LRRC40: variants seen among roughly 807,000 people sequenced by gnomAD.
LRRC40 encodes leucine rich repeat containing 40.
A neutral mutation model predicts 72.8 loss-of-function variants in LRRC40; 76 were observed. The ratio of observed to expected loss-of-function variants is 1.04; its 90% CI spans 0.87 to 1.26. The LOEUF is 1.26. Ranked by LOEUF, LRRC40 falls within the 50% of genes most tolerant of loss-of-function variation. The pLI, the probability that LRRC40 is intolerant of heterozygous loss-of-function variation, is 0.00. For missense variants in LRRC40, 684 were observed against 698.9 expected (o/e 0.98, Z 0.24); for synonymous variants, 243 against 254.2 (o/e 0.96, Z 0.42).
At chr1:70,182,730 G>A (rs1372298193) in intron 4 of LRRC40, among the ~76,000 whole-genome samples, 2 of 151,862 alleles carry the variant, frequency 1.3e-5, no homozygotes, top group African/African-American at 4.8e-5. Flanking sequence ...CAAATAATTA[G>A]TTGCATTGTG....
At chr1:70,149,566 C>G (rs1478788064) in intron 13 of LRRC40, among the ~76,000 whole-genome samples, 1 of 152,076 alleles carries the variant, frequency 6.6e-6, no homozygotes, top group Admixed American at 6.6e-5. Flanking sequence ...TTGGCACTTC[C>G]CCAAAGACAT....
At chr1:70,155,601 A>C in intron 11 of LRRC40, 88 bp downstream of exon 11, 1 of 518,538 alleles carries the variant, frequency 1.9e-6, no homozygotes, top group Non-Finnish European at 3.2e-6. Flanking sequence ...TAAATTTAAA[A>C]ACCAATATGG....
chr1:70,161,423 A>G (rs1667759566), intron 9 of LRRC40, among the ~76,000 whole-genome samples: 1 of 150,852 alleles, frequency 6.6e-6, no homozygotes, highest in East Asian at 2.0e-4. Context: ...CCGGTGGCGG[A>G]CGCCTGTAGT....
intron 9 of LRRC40, among the ~76,000 whole-genome samples, chr1:70,159,840 T>C (rs1571445796): frequency 6.6e-6 from 1 of 152,230 alleles, no homozygotes; most frequent in Non-Finnish European, 1.5e-5. Context: ...AATAAGCATA[T>C]GCTTTTTAAT....
chr1:70,160,886 CCATGTAAGTGCCAAACA>C (rs1264499338), intron 9 of LRRC40, among the ~76,000 whole-genome samples: 2 of 151,110 alleles, frequency 1.3e-5, no homozygotes, highest in Admixed American at 1.3e-4. Context: ...ATTGAAAGGG[CCATGTAAGTGCCAAACA>C]CAATAAATAA....
chr1:70,178,878 T>G lies in LRRC40; in HGVS notation c.777A>C (p.Pro259=), dbSNP rs761499231. The change falls in exon 6 of 15, where the codon CCA becomes CCC. Residue 259 remains proline (P), a synonymous_variant. Coordinates refer to ENST00000370952, the MANE Select transcript of LRRC40 (RefSeq NM_017768.5). The part of the protein sequence containing the change: ...YLRRNKLRFL[P]EFPSCSLLKE... Reference sequence around the variant, plus strand: ...TCAATAGACTACAAGAAGGAAATTCTGGTAGAAAACGTAATTTATTCCTCC... The same window carrying G: ...TCAATAGACTACAAGAAGGAAATTCGGGTAGAAAACGTAATTTATTCCTCC... The G allele has an allele frequency of 1.3e-6, 2 of 1,597,236 alleles. No homozygotes were observed. The highest frequency in any genetic ancestry group is 1.7e-6 in the Non-Finnish European group (2 of 1,168,220).
chr1:70,175,818 A>G lies in LRRC40; in HGVS notation c.969T>C (p.Asp323=). 1 of 1,552,874 alleles carries G rather than the reference A, an allele frequency of 6.4e-7. No homozygotes were observed. Among genetic ancestry groups the G allele is most frequent in the Non-Finnish European group, 8.7e-7 (1 of 1,153,154 alleles). ...TTGATATTTAAACTTACCTACTAAT[A>G]TCATTGTTGCTTAGGTCAAGCCTTT... is the stretch of plus-strand genomic sequence containing the variant. The part of the protein sequence containing the change: ...SLERLDLSNN[D]ISSLPYSLGN... Residue 323 remains aspartate (D), a synonymous_variant, in exon 7 of 15, where the codon GAT becomes GAC. Transcript: ENST00000370952.
At chr1:70,201,768 T>C (rs1668744978) in intron 1 of LRRC40, among the ~76,000 whole-genome samples, 1 of 151,968 alleles carries the variant, frequency 6.6e-6, no homozygotes, top group Non-Finnish European at 1.5e-5. Flanking sequence ...AGGTCAGCAG[T>C]TCAAGACCAG....
intron 9 of LRRC40, among the ~76,000 whole-genome samples, chr1:70,159,965 A>C (rs1378776256): frequency 3.3e-5 from 5 of 152,174 alleles, no homozygotes; most frequent in Non-Finnish European, 7.4e-5. Context: ...CAAATGCAAG[A>C]CTTTATTTTT....
At chr1:70,158,966 A>C (rs1011731030) in intron 10 of LRRC40, among the ~76,000 whole-genome samples, 1 of 152,208 alleles carries the variant, frequency 6.6e-6, no homozygotes, top group Non-Finnish European at 1.5e-5. Context: ...AAACTGCAGA[A>C]GGAATGGACA....
intron 9 of LRRC40, among the ~76,000 whole-genome samples, chr1:70,167,002 A>C (rs1331133837): frequency 6.6e-6 from 1 of 152,180 alleles, no homozygotes; most frequent in Non-Finnish European, 1.5e-5. Flanking sequence ...ACTGAGAAGA[A>C]GGCAAAGATA....
chr1:70,202,869 G>A (rs1668778998), intron 1 of LRRC40, among the ~76,000 whole-genome samples: 1 of 152,060 alleles, frequency 6.6e-6, no homozygotes, highest in African/African-American at 2.4e-5. Flanking sequence ...GGTTGTTTGG[G>A]GGAAAGGTAA....
chr1:70,157,141 T>G (rs778522489), intron 10 of LRRC40, among the ~76,000 whole-genome samples: 4 of 152,196 alleles, frequency 2.6e-5, no homozygotes, highest in Non-Finnish European at 4.4e-5. Context: ...ATGGAAGAAC[T>G]GTATAAGAAA....
chr1:70,151,315 A>G (rs1423629225), intron 12 of LRRC40, 110 bp from the exon 13 acceptor site: 6 of 634,080 alleles, frequency 9.5e-6, no homozygotes, highest in Non-Finnish European at 1.4e-5. Context: ...CAGTTTGTCA[A>G]TCCTTGATCT....
chr1:70,189,298 G>GAA (rs745450367), intron 1 of LRRC40, 25 bp from the exon 2 acceptor site: 2,883 of 760,608 alleles, frequency 3.8e-3, no homozygotes, highest in Non-Finnish European at 4.2e-3. Context: ...ACCACACCAG[G>GAA]AAAAAAAAAA....
chr1:70,176,012 C>G (rs1254247214), intron 6 of LRRC40, 30 bp from the exon 7 acceptor site: 1 of 1,388,894 alleles, frequency 7.2e-7, no homozygotes. Context: ...TTATGTGTAT[C>G]TCTGTATTCA....
In LRRC40 at chr1:70,205,438, C is replaced by A. The variant is rs138598894; in HGVS notation, c.103G>T (p.Ala35Ser). The A allele has an allele frequency of 6.3e-4, 1,004 of 1,604,916 alleles. No individual in the cohort carries two copies. The highest frequency in any genetic ancestry group is 7.8e-4 in the Non-Finnish European group (912 of 1,172,868). The change falls in exon 1 of 15, where the codon GCG (alanine) becomes TCG (serine). Residue 35 changes from alanine to serine, a missense_variant. Transcript: ENST00000370952. ...AGGTTTAACTGGCCGCTCTTCCTCG[C>A]TGCCTTCAACAGCCCTTGGGGTACC... ...TSVPQGLLKA[A>S]RKSGQLNLSG...
At chr1:70,191,444 C>T (rs940012298) in intron 1 of LRRC40, among the ~76,000 whole-genome samples, 1 of 152,060 alleles carries the variant, frequency 6.6e-6, no homozygotes, top group African/African-American at 2.4e-5. Flanking sequence ...ATCAACTATA[C>T]TGAGTATTAA....
At chr1:70,147,588 C>T (rs1446298751) in intron 14 of LRRC40, among the ~76,000 whole-genome samples, 2 of 152,066 alleles carry the variant, frequency 1.3e-5, no homozygotes, top group African/African-American at 2.4e-5. Context: ...CCTGTATTTC[C>T]CCCAGAAGCA....
Sources: gnomAD v4.1 joint callset for allele counts (sites outside exome capture counted in the v4.1 genomes callset) on GRCh38, gnomAD v4.1.1 for gene constraint, MANE v1.5 for transcripts, NCBI Gene and HGNC (gene_info 2026-07-23, HGNC 2026-07-21) for gene names.